LIMD2: variants seen among roughly 807,000 people sequenced by gnomAD.
LIMD2 encodes LIM domain containing 2.
LIMD2 carries 11 observed loss-of-function variants against 16.0 expected under a neutral mutation model. The observed-to-expected ratio is 0.69, with a 90% confidence interval of 0.43 to 1.14. LIMD2 has a LOEUF of 1.14. Ranked by LOEUF, LIMD2 falls within the 50% of genes most tolerant of loss-of-function variation. LIMD2 has a pLI of 0.00. For synonymous variants in LIMD2, 60 were observed against 67.1 expected (o/e 0.89, Z 0.52); for missense variants, 168 against 165.8 (o/e 1.01, Z -0.07).
At position 63,699,327 on chromosome 17, in the gene LIMD2, G is replaced by C. The variant is rs1447516397; in HGVS notation, c.-29C>G. ...TCGTTGGAGGTGGAAGCCTCGGGTGGAGAAGCGGCACCCGCTGGGTTCTGC... is the reference window on the plus strand; with the variant it reads ...TCGTTGGAGGTGGAAGCCTCGGGTGCAGAAGCGGCACCCGCTGGGTTCTGC... On this transcript the variant is annotated 5_prime_UTR_variant, in exon 2 of 5. Coordinates refer to ENST00000259006, the MANE Select transcript of LIMD2 (RefSeq NM_030576.4). 1.3e-6 allele frequency: 2 copies of C among 1,594,048 alleles called. No homozygotes were observed. Among genetic ancestry groups the C allele is most frequent in the African/African-American group, 1.3e-5 (1 of 74,386 alleles).
At chr17:63,700,143 G>A, upstream of LIMD2, 2 of 983,944 alleles carry the variant, frequency 2.0e-6, no homozygotes, top group South Asian at 4.5e-5. This position sits in a 1 kb window ranked among gnomAD's most constrained non-coding sequence, Gnocchi z 7.1. Flanking sequence ...CACCGCCGCC[G>A]CCACCGCCTT....
At position 63,700,118 on chromosome 17, in the gene LIMD2, C is replaced by T; in HGVS notation, c.-137G>A. ...CGCGGGCGCGAGCTGCTGCCGCTAC[C>T]AGTGGTCCCCGAGCCACCGCCGCCG... On this transcript the variant is annotated 5_prime_UTR_variant, in exon 1 of 5. Transcript: ENST00000259006. The surrounding 1 kb of genome is among the most constrained non-coding windows in gnomAD (Gnocchi z 7.1). The T allele has an allele frequency of 2.0e-6, 2 of 985,030 alleles. No individual in the cohort carries two copies. The highest frequency in any genetic ancestry group is 1.2e-6 in the Non-Finnish European group (1 of 829,768). 61.0% of individuals were successfully genotyped at this position (985,030 alleles called of 1,614,324 possible).
At chr17:63,699,684 T>G (rs1046249577) in intron 1 of LIMD2, 5 of 327,864 alleles carry the variant, frequency 1.5e-5, no homozygotes, top group African/African-American at 2.2e-5. Flanking sequence ...GAGAAGCCGC[T>G]GCCCCGACCT....
In LIMD2 at chr17:63,698,585, GTGGGCCCAGAGCTCCTTGTGCTGC is replaced by G; in HGVS notation, c.327_350del (p.Lys109_His117delinsAsn). 6.2e-7 allele frequency: 1 copy of G among 1,613,842 alleles called. No homozygotes were observed. The highest frequency in any genetic ancestry group is 1.3e-5 in the African/African-American group (1 of 75,054). ...TCTTGGTGCCGGGGTCCACCTCCTT[GTGGGCCCAGAGCTCCTTGTGCTGC>G]TTGCGGCCAAACCCCTCGTCGTAGT... On this transcript the variant is annotated inframe_deletion, in exon 5 of 5. Transcript: ENST00000259006.
At chr17:63,699,772 T>TCGCCCCC in intron 1 of LIMD2, 2 of 329,574 alleles carry the variant, frequency 6.1e-6, no homozygotes, top group Non-Finnish European at 8.6e-6. Flanking sequence ...GCGCCCGAGG[T>TCGCCCCC]CCCCGCCCGC....
At chr17:63,699,982 C>A in intron 1 of LIMD2, 50 bp downstream of exon 1, 3 of 983,998 alleles carry the variant, frequency 3.0e-6, no homozygotes, top group Non-Finnish European at 3.6e-6. Flanking sequence ...CCCCTCGGCG[C>A]CTCTCCCGGT....
rs200666716 is a variant in LIMD2, at chr17:63,695,939, TAAA to T, written c.*2610_*2612del. On this transcript the variant is annotated 3_prime_UTR_variant, in exon 5 of 5. Transcript: ENST00000259006. The surrounding 1 kb of genome is among the most constrained non-coding windows in gnomAD (Gnocchi z 4.1). ...ATTGTTTTTTAATAACTAATCCAGA[TAAA>T]AAGTTGTGGGGCTTCAGGGTGACCT... The T allele has an allele frequency of 0.024, 3,643 of 152,676 alleles. 77 individuals carry two copies. Among genetic ancestry groups the T allele is most frequent in the Non-Finnish European group, 0.031 (2,107 of 68,018 alleles). 9.5% of individuals were successfully genotyped at this position (152,676 alleles called of 1,614,324 possible).
At chr17:63,699,592 G>A in intron 1 of LIMD2, 1 of 380,456 alleles carries the variant, frequency 2.6e-6, no homozygotes, top group East Asian at 5.3e-5. Context: ...AGGGGCCGGG[G>A]GCTCCCGCGC....
Position 63,699,367 on chromosome 17 carries a change from C to A in LIMD2, c.-50-19G>T. Reference sequence around the variant, plus strand: ...CTGGGTTCTGCAAGGGGAAGTCAGTCGGGAGGGCCCCGCCAGCCCGGCCCC... The same window carrying A: ...CTGGGTTCTGCAAGGGGAAGTCAGTAGGGAGGGCCCCGCCAGCCCGGCCCC... On this transcript the variant is annotated intron_variant, in intron 1 of 4. Coordinates refer to ENST00000259006, the MANE Select transcript of LIMD2 (RefSeq NM_030576.4). 2.0e-6 allele frequency: 3 copies of A among 1,527,814 alleles called. No individual in the cohort carries two copies. The highest frequency in any genetic ancestry group is 2.6e-6 in the Non-Finnish European group (3 of 1,138,342). 94.6% of individuals were successfully genotyped at this position (1,527,814 alleles called of 1,614,324 possible). A position where few individuals can be genotyped will look rare whatever the true frequency, so the allele number is the denominator to read the frequency against.
intron 1 of LIMD2, chr17:63,699,772 T>TGGCCCCCCCC: frequency 9.1e-6 from 3 of 329,574 alleles, no homozygotes; most frequent in Non-Finnish European, 1.3e-5. Flanking sequence ...GCGCCCGAGG[T>TGGCCCCCCCC]CCCCGCCCGC....
chr17:63,698,634 T>G lies in LIMD2; in HGVS notation c.302A>C (p.Asn101Thr). 1 of 1,613,906 alleles carries G rather than the reference T, an allele frequency of 6.2e-7. No homozygotes were observed. Among genetic ancestry groups the G allele is most frequent in the Non-Finnish European group, 8.5e-7 (1 of 1,180,020 alleles). Residue 101 changes from asparagine to threonine, a missense_variant, in exon 5 of 5, where the codon AAC (asparagine) becomes ACC (threonine). Transcript: ENST00000259006. ...HFQQLFKSKG[N>T]YDEGFGRKQH... ...CTTGCGGCCAAACCCCTCGTCGTAG[T>G]TGCCTTTGCTCTTAAACAGCTGCTG...
Position 63,696,788 on chromosome 17 carries a change from T to C in LIMD2, c.*1764A>G, listed in dbSNP as rs1261555472. ...CATCTGAGACCTCTGGTGCAGGAAG[T>C]TGGCCTGCCCTGAGAGGCTCTGAGG... On this transcript the variant is annotated 3_prime_UTR_variant, in exon 5 of 5. Coordinates refer to ENST00000259006, the MANE Select transcript of LIMD2 (RefSeq NM_030576.4). The C allele has an allele frequency of 3.9e-5, 6 of 152,246 alleles. No homozygotes were observed. The highest frequency in any genetic ancestry group is 9.7e-5 in the African/African-American group (4 of 41,440). 9.4% of individuals were successfully genotyped at this position (152,246 alleles called of 1,614,324 possible). A position where few individuals can be genotyped will look rare whatever the true frequency, so the allele number is the denominator to read the frequency against.
In LIMD2 at chr17:63,698,369, C is replaced by T; in HGVS notation, c.*183G>A. On this transcript the variant is annotated 3_prime_UTR_variant, in exon 5 of 5. Coordinates refer to ENST00000259006, the MANE Select transcript of LIMD2 (RefSeq NM_030576.4). The stretch of plus-strand genomic sequence containing the variant: ...CCCAATCCTGGTTTCCAAACCCTCA[C>T]CGGCTGCGGGAGAAGGAAGAAGGAA... The T allele has an allele frequency of 1.4e-6, 1 of 734,664 alleles. No individual in the cohort carries two copies. Among genetic ancestry groups the T allele is most frequent in the Non-Finnish European group, 2.2e-6 (1 of 460,656 alleles). The allele number at this position is 734,664 out of a possible 1,614,324, so 45.5% of individuals were successfully genotyped here. A position where few individuals can be genotyped will look rare whatever the true frequency, so the allele number is the denominator to read the frequency against.
At position 63,697,130 on chromosome 17, in the gene LIMD2, T is replaced by C. The variant is rs1006595684; in HGVS notation, c.*1422A>G. Reference sequence around the variant, plus strand: ...CGGGGCGCCCTCAGGTCCTCCCAACTTGCCTGGTTTGCTCTGCTGTGAACT... The same window carrying C: ...CGGGGCGCCCTCAGGTCCTCCCAACCTGCCTGGTTTGCTCTGCTGTGAACT... On this transcript the variant is annotated 3_prime_UTR_variant, in exon 5 of 5. Transcript: ENST00000259006. 2.0e-5 allele frequency: 3 copies of C among 152,262 alleles called. No homozygotes were observed. Among genetic ancestry groups the C allele is most frequent in the Non-Finnish European group, 4.4e-5 (3 of 68,070 alleles). The allele number at this position is 152,262 out of a possible 1,614,324, so 9.4% of individuals were successfully genotyped here.
Position 63,700,079 on chromosome 17 carries a change from G to T in LIMD2, c.-98C>A, listed in dbSNP as rs931763609. ...GCGGGATCGGTCTCCGGGGGCGCAC[G>T]GGTACGAGGAGGGCGCGGGCGCGAG... On this transcript the variant is annotated 5_prime_UTR_variant, in exon 1 of 5. Transcript: ENST00000259006. The surrounding 1 kb of genome is among the most constrained non-coding windows in gnomAD (Gnocchi z 7.1). 6.1e-6 allele frequency: 6 copies of T among 984,364 alleles called. No individual in the cohort carries two copies. Among genetic ancestry groups the T allele is most frequent in the Admixed American group, 6.2e-5 (1 of 16,132 alleles). The allele number at this position is 984,364 out of a possible 1,614,324, so 61.0% of individuals were successfully genotyped here. A position where few individuals can be genotyped will look rare whatever the true frequency, so the allele number is the denominator to read the frequency against.
In LIMD2 at chr17:63,700,112, C is replaced by G. The variant is rs1211525802; in HGVS notation, c.-131G>C. 1 of 984,884 alleles carries G rather than the reference C, an allele frequency of 1.0e-6. No homozygotes were observed. The highest frequency in any genetic ancestry group is 6.2e-5 in the Admixed American group (1 of 16,132). The allele number at this position is 984,884 out of a possible 1,614,324, so 61.0% of individuals were successfully genotyped here. ...GGAGGGCGCGGGCGCGAGCTGCTGC[C>G]GCTACCAGTGGTCCCCGAGCCACCG... On this transcript the variant is annotated 5_prime_UTR_variant, in exon 1 of 5. Coordinates refer to ENST00000259006, the MANE Select transcript of LIMD2 (RefSeq NM_030576.4). This position sits in a 1 kb window ranked among gnomAD's most constrained non-coding sequence, Gnocchi z 7.1.
At position 63,699,075 on chromosome 17, in the gene LIMD2, G is replaced by A; in HGVS notation, c.43-6C>T. 6.2e-7 allele frequency: 1 copy of A among 1,602,676 alleles called. No homozygotes were observed. The highest frequency in any genetic ancestry group is 8.5e-7 in the Non-Finnish European group (1 of 1,176,292). The stretch of plus-strand genomic sequence containing the variant: ...CTGCCGCCGCCTTTGGCGTCCTGAG[G>A]GAGAGGGGCGGTCAGGGCAGGGGCA... On this transcript the variant is annotated splice_polypyrimidine_tract_variant and splice_region_variant and intron_variant, in intron 2 of 4. Coordinates refer to ENST00000259006, the MANE Select transcript of LIMD2 (RefSeq NM_030576.4).
intron 1 of LIMD2, chr17:63,699,792 C>A: frequency 5.8e-6 from 4 of 686,192 alleles, no homozygotes; most frequent in Non-Finnish European, 7.2e-6. Flanking sequence ...CCCCGCCCCT[C>A]GGCCCCCGAC....
In LIMD2 at chr17:63,699,046, G is replaced by T. The variant is rs1466524196; in HGVS notation, c.66C>A (p.Ser22Arg). The change falls in exon 3 of 5, where the codon AGC becomes AGA. Residue 22 changes from serine to arginine, a missense_variant. Coordinates refer to ENST00000259006, the MANE Select transcript of LIMD2 (RefSeq NM_030576.4). ...CCCCTACCTTGGAGCGCTGCACCGT[G>T]CTGCTGCCGCCGCCTTTGGCGTCCT... Reference protein sequence around the residue: ...PSHDAKGGGSSTVQRSKSFSL... With the variant: ...PSHDAKGGGSRTVQRSKSFSL... 1.2e-5 allele frequency: 20 copies of T among 1,607,384 alleles called. No individual in the cohort carries two copies. The highest frequency in any genetic ancestry group is 1.5e-5 in the Non-Finnish European group (18 of 1,177,764).
Sources: gnomAD v4.1 joint callset for allele counts on GRCh38, gnomAD v4.1.1 for gene constraint, Gnocchi (gnomAD v3.1) non-coding constraint, MANE v1.5 for transcripts, NCBI Gene and HGNC (gene_info 2026-07-23, HGNC 2026-07-21) for gene names.